Variants in KATNIP observed in about 807,000 individuals in gnomAD.
KATNIP encodes the protein katanin-interacting protein.
KATNIP carries 126 observed loss-of-function variants against 174.0 expected under a neutral mutation model. The observed-to-expected ratio is 0.72, with a 90% CI of 0.63 to 0.84. The LOEUF is 0.84. Ranked by LOEUF, KATNIP falls within the 40% of genes least tolerant of loss-of-function variation. KATNIP has a pLI of 0.00. For synonymous variants in KATNIP, 810 were observed against 835.7 expected, an observed-to-expected ratio of 0.97 and a Z score of 0.53; for missense variants, 1,958 against 2,109.7, an observed-to-expected ratio of 0.93 and a Z score of 1.41.
intron 15 of KATNIP, among the ~76,000 whole-genome samples, chr16:27,748,429 A>G (rs1465053575): frequency 1.3e-5 from 2 of 152,016 alleles, no homozygotes; most frequent in African/African-American, 2.4e-5. Context: ...TACCAAAAAA[A>G]TAAAAATAAA....
At position 27,740,216 on chromosome 16, in the gene KATNIP, G is replaced by A. The variant is rs547713946; in HGVS notation, c.1919G>A (p.Ser640Asn). 5 of 1,614,258 alleles carry A rather than the reference G, an allele frequency of 3.1e-6. No individual in the cohort carries two copies. Among genetic ancestry groups the A allele is most frequent in the East Asian group, 4.5e-5 (2 of 44,890 alleles). ...EEAMNAHSEE[S>N]KGTHEMAGAS... The stretch of plus-strand genomic sequence containing the variant: ...GCCATGAACGCTCACTCGGAAGAAA[G>A]CAAAGGCACCCATGAGATGGCTGGT... Residue 640 changes from serine (S) to asparagine (N), a missense_variant, in exon 15 of 28, where the codon AGC becomes AAC. This residue lies in a region of KATNIP where 1,557 missense variants were observed against 1,617.8 expected (regional missense o/e 0.96). Coordinates refer to ENST00000261588, the MANE Select transcript of KATNIP (RefSeq NM_015202.5).
At chr16:27,751,698 G>GTCA (rs2081522736) in intron 16 of KATNIP, 21 bp from the exon 17 acceptor site, 1 of 1,612,276 alleles carries the variant, frequency 6.2e-7, no homozygotes, top group Admixed American at 1.7e-5. Flanking sequence ...TGACCTTTCT[G>GTCA]TCATCTTGAT....
At chr16:27,759,482 A>C (rs2081871016) in intron 18 of KATNIP, among the ~76,000 whole-genome samples, 2 of 152,244 alleles carry the variant, frequency 1.3e-5, no homozygotes, top group African/African-American at 4.8e-5. Flanking sequence ...ACCATGAATT[A>C]TATTCATGAC....
In KATNIP at chr16:27,617,890, C is replaced by T. The variant is rs189114634; in HGVS notation, c.64-535C>T. ...TAGCTGGGACCACAGGCATGCACCA[C>T]CCAGGCCTGGCTAATTTTTAAATTA... is the stretch of plus-strand genomic sequence containing the variant. On this transcript the variant is annotated intron_variant, in intron 2 of 27. Coordinates refer to ENST00000261588, the MANE Select transcript of KATNIP (RefSeq NM_015202.5). Among the ~76,000 whole-genome samples, 4 of 152,162 alleles carry T rather than the reference C, an allele frequency of 2.6e-5. No homozygotes were observed. The East Asian group carries it at 5.8e-4, about 22-fold the overall frequency.
At chr16:27,621,835 C>T (rs942350594) in intron 3 of KATNIP, among the ~76,000 whole-genome samples, 7 of 151,968 alleles carry the variant, frequency 4.6e-5, no homozygotes, top group Middle Eastern at 3.4e-3. Context: ...GGAGAACTCA[C>T]TATCGCAAGG....
intron 2 of KATNIP, among the ~76,000 whole-genome samples, chr16:27,595,011 G>A (rs2075292945): frequency 6.6e-6 from 1 of 152,202 alleles, no homozygotes; most frequent in Non-Finnish European, 1.5e-5. Context: ...AGTGGGAAGG[G>A]GACTGGCCAG....
chr16:27,774,886 G>A, intron 23 of KATNIP, 59 bp from the exon 24 acceptor site: 1 of 1,606,826 alleles, frequency 6.2e-7, no homozygotes, highest in Non-Finnish European at 8.5e-7. Flanking sequence ...TCAGCCTGAG[G>A]GTGGCTGGCA....
chr16:27,737,958 G>A (rs1228126134), intron 14 of KATNIP, among the ~76,000 whole-genome samples: 1 of 152,162 alleles, frequency 6.6e-6, no homozygotes, highest in Non-Finnish European at 1.5e-5. Flanking sequence ...TGTGGAGGTG[G>A]AGGCAGAAGC....
At chr16:27,673,316 C>T (rs1053584692) in intron 6 of KATNIP, among the ~76,000 whole-genome samples, 2 of 152,150 alleles carry the variant, frequency 1.3e-5, no homozygotes, top group Admixed American at 1.3e-4. Context: ...TTACAGCTGC[C>T]GAAATTGTTG....
intron 3 of KATNIP, among the ~76,000 whole-genome samples, chr16:27,624,713 G>T (rs369087259): frequency 6.6e-6 from 1 of 152,078 alleles, no homozygotes; most frequent in Admixed American, 6.6e-5. Context: ...CCTGCTACTC[G>T]AGAGGCTGAG....
At chr16:27,707,140 G>T (rs149259000) in intron 12 of KATNIP, among the ~76,000 whole-genome samples, 3 of 152,122 alleles carry the variant, frequency 2.0e-5, no homozygotes, top group Non-Finnish European at 4.4e-5. Flanking sequence ...AGCACGTCTC[G>T]CTGGCTATTA....
chr16:27,747,977 G>A (rs924330567), intron 15 of KATNIP, among the ~76,000 whole-genome samples: 3 of 152,302 alleles, frequency 2.0e-5, no homozygotes, highest in Middle Eastern at 3.4e-3. Flanking sequence ...ATGGAGCCGA[G>A]CCCCCTAGGA....
chr16:27,629,029 A>G (rs1255873589), intron 4 of KATNIP, among the ~76,000 whole-genome samples, 199 bp downstream of exon 4: 2 of 152,024 alleles, frequency 1.3e-5, no homozygotes, highest in Admixed American at 1.3e-4. Flanking sequence ...TTAGCCAGGC[A>G]TGATGGCATG....
intron 17 of KATNIP, 38 bp from the exon 18 acceptor site, chr16:27,754,135 C>A: frequency 6.4e-7 from 1 of 1,571,858 alleles, no homozygotes; most frequent in Non-Finnish European, 8.8e-7. Flanking sequence ...ATCACTAAAA[C>A]CACCCCCTTT....
At chr16:27,567,482 T>A (rs1036365161) in intron 1 of KATNIP, among the ~76,000 whole-genome samples, 2 of 152,126 alleles carry the variant, frequency 1.3e-5, no homozygotes, top group Admixed American at 1.3e-4. Context: ...GTAAATAAGC[T>A]GGATGTGGTA....
chr16:27,644,719 G>C (rs536645751), intron 5 of KATNIP: 2 of 152,114 alleles, frequency 1.3e-5, no homozygotes, highest in Admixed American at 6.6e-5. Flanking sequence ...ATGTTGCCCA[G>C]ACTGGTTTCA....
At chr16:27,679,399 C>T (rs1285630328) in intron 7 of KATNIP, among the ~76,000 whole-genome samples, 1 of 152,048 alleles carries the variant, frequency 6.6e-6, no homozygotes, top group East Asian at 1.9e-4. Flanking sequence ...AGTTAATTAC[C>T]TCTTTAAAGA....
At chr16:27,759,156 G>A (rs561468254) in intron 18 of KATNIP, among the ~76,000 whole-genome samples, 19 of 152,170 alleles carry the variant, frequency 1.2e-4, no homozygotes, top group Non-Finnish European at 2.4e-4. Context: ...TCTGGGCTCC[G>A]GGGATACAGC....
At chr16:27,608,937 C>T (rs2075804074) in intron 2 of KATNIP, among the ~76,000 whole-genome samples, 1 of 152,140 alleles carries the variant, frequency 6.6e-6, no homozygotes, top group African/African-American at 2.4e-5. Flanking sequence ...TTATGGGTGA[C>T]AAGCCAATGC....
Sources: gnomAD v4.1 joint callset for allele counts (sites outside exome capture counted in the v4.1 genomes callset) on GRCh38, gnomAD v4.1.1 for gene constraint, gnomAD v4.1.1 regional missense constraint, MANE v1.5 for transcripts, NCBI Gene and HGNC (gene_info 2026-07-23, HGNC 2026-07-21) for gene names.